Variants in RSF1 observed in about 807,000 individuals in gnomAD.
RSF1 encodes HBV pX-associated protein 8.
Under a neutral mutation model 145.2 loss-of-function variants are expected in RSF1, and 13 were observed. The observed-to-expected ratio is 0.09, with a 90% CI of 0.06 to 0.14. The LOEUF (loss-of-function observed/expected upper bound fraction) is 0.14. Ranked by LOEUF, RSF1 falls within the 10% of genes least tolerant of loss-of-function variation. The pLI is 1.00. For missense variants in RSF1, 1,517 were observed against 1,718.2 expected, an observed-to-expected ratio of 0.88 and a Z score of 2.07; for synonymous variants, 577 against 592.6, an observed-to-expected ratio of 0.97 and a Z score of 0.38.
intron 1 of RSF1, among the ~76,000 whole-genome samples, chr11:77,775,663 G>C (rs544739674): frequency 1.3e-5 from 2 of 152,316 alleles, no homozygotes; most frequent in South Asian, 2.1e-4. Context: ...GGCCAGGTCC[G>C]GTGGTTCACA....
chr11:77,706,666 T>A (rs1319073278), intron 5 of RSF1, among the ~76,000 whole-genome samples: 1 of 152,198 alleles, frequency 6.6e-6, no homozygotes, highest in Non-Finnish European at 1.5e-5. Context: ...TCCTAATTTT[T>A]TTTTTTTAAC....
At chr11:77,725,393 T>A (rs1961029806) in intron 5 of RSF1, 152 bp downstream of exon 5, 1 of 547,128 alleles carries the variant, frequency 1.8e-6, no homozygotes, top group Non-Finnish European at 2.8e-6. Context: ...TGGCCTCATT[T>A]TCTTTAAATT....
At chr11:77,820,021 C>T (rs1219575610) in intron 1 of RSF1, among the ~76,000 whole-genome samples, 1 of 152,190 alleles carries the variant, frequency 6.6e-6, no homozygotes, top group Non-Finnish European at 1.5e-5. Flanking sequence ...CTGGCCCCCG[C>T]CCACCCAGGT....
intron 1 of RSF1, among the ~76,000 whole-genome samples, chr11:77,767,008 T>C (rs1234148518): frequency 6.6e-6 from 1 of 152,128 alleles, no homozygotes; most frequent in African/African-American, 2.4e-5. Context: ...GATTTACTGG[T>C]TGTGCAGTGA....
At chr11:77,856,139 C>G in the RSF1 span, among the ~76,000 whole-genome samples, 1 of 152,104 alleles carries the variant, frequency 6.6e-6, no homozygotes, top group Admixed American at 6.6e-5. Context: ...GAAAGGTCTT[C>G]CACCAGATAC....
the RSF1 span, among the ~76,000 whole-genome samples, chr11:77,870,578 C>A: frequency 6.6e-6 from 1 of 151,974 alleles, no homozygotes; most frequent in East Asian, 1.9e-4. Flanking sequence ...ACCTCGTGAT[C>A]CACCTGCCTC....
intron 1 of RSF1, among the ~76,000 whole-genome samples, chr11:77,797,512 C>T (rs1205703170): frequency 1.3e-5 from 2 of 152,112 alleles, no homozygotes; most frequent in Non-Finnish European, 2.9e-5. Context: ...AAAATCAACT[C>T]AAGATGGATC....
At chr11:77,869,101 A>G in the RSF1 span, 1 of 278,134 alleles carries the variant, frequency 3.6e-6, no homozygotes, top group Non-Finnish European at 7.0e-6. Context: ...ATAGATTCAC[A>G]TGTACCATGT....
At chr11:77,786,175 A>T (rs1948454932) in intron 1 of RSF1, among the ~76,000 whole-genome samples, 1 of 152,086 alleles carries the variant, frequency 6.6e-6, no homozygotes. Flanking sequence ...CAACCCAGCT[A>T]ATACTAAAAA....
intron 9 of RSF1, among the ~76,000 whole-genome samples, chr11:77,689,818 A>T (rs775216660): frequency 2.6e-5 from 4 of 152,202 alleles, no homozygotes; most frequent in Admixed American, 6.5e-5. Flanking sequence ...CCTGATTATG[A>T]ATCCCCTTTT....
At chr11:77,765,490 C>T (rs1948216515) in intron 1 of RSF1, among the ~76,000 whole-genome samples, 2 of 152,132 alleles carry the variant, frequency 1.3e-5, no homozygotes, top group African/African-American at 4.8e-5. Flanking sequence ...GAAAGTTACC[C>T]TTACTCTCAG....
intron 8 of RSF1, among the ~76,000 whole-genome samples, chr11:77,692,637 C>T (rs1042259220): frequency 6.6e-6 from 1 of 151,610 alleles, no homozygotes; most frequent in Non-Finnish European, 1.5e-5. Context: ...CCTCAGCCTC[C>T]CAAGGAGCTG....
the RSF1 span, among the ~76,000 whole-genome samples, chr11:77,854,420 T>A: frequency 6.6e-6 from 1 of 152,204 alleles, no homozygotes; most frequent in Non-Finnish European, 1.5e-5. Context: ...ACTTCCAAGA[T>A]ACAATGGGGT....
At chr11:77,791,470 T>G (rs1366350369) in intron 1 of RSF1, among the ~76,000 whole-genome samples, 2 of 152,224 alleles carry the variant, frequency 1.3e-5, no homozygotes, top group Non-Finnish European at 2.9e-5. Flanking sequence ...CTTGTGCAAA[T>G]TTATGCAGCA....
At chr11:77,755,524 G>C (rs1286484499) in intron 2 of RSF1, among the ~76,000 whole-genome samples, 1 of 152,114 alleles carries the variant, frequency 6.6e-6, no homozygotes, top group Non-Finnish European at 1.5e-5. Flanking sequence ...AAGTCATTCA[G>C]AGATCTTCTG....
the RSF1 span, among the ~76,000 whole-genome samples, chr11:77,863,572 A>G: frequency 6.6e-6 from 1 of 152,120 alleles, no homozygotes; most frequent in Non-Finnish European, 1.5e-5. Context: ...TAATTTTAGT[A>G]GAGACAGGGT....
rs564410248 is a variant in RSF1 at position 77,686,408 on chromosome 11, CAAAAAAAAAAAA to C, written c.2901-1261_2901-1250del. 5.4e-5 allele frequency among the ~76,000 whole-genome samples: 2 copies of C among 37,132 alleles called. 1 individual carries two copies. Among genetic ancestry groups the C allele is most frequent in the Non-Finnish European group, 9.5e-5 (2 of 21,060 alleles). The allele number at this position is 37,132 out of a possible 152,430, so 24.4% of individuals were successfully genotyped here. On this transcript the variant is annotated intron_variant, in intron 9 of 15. Coordinates refer to ENST00000308488, the MANE Select transcript of RSF1 (RefSeq NM_016578.4). ...GGGCATCAAGAGTGAGACCCTGTCT[CAAAAAAAAAAAA>C]AAAAAAAAGCAGGTGTTTTCCCTGG...
At chr11:77,828,117 T>C in the RSF1 span, among the ~76,000 whole-genome samples, 2 of 150,936 alleles carry the variant, frequency 1.3e-5, no homozygotes, top group African/African-American at 2.4e-5. Flanking sequence ...TACTAAAAAA[T>C]ACAAAAAACT....
chr11:77,705,239 T>C (rs1960520881), intron 5 of RSF1, among the ~76,000 whole-genome samples: 2 of 152,154 alleles, frequency 1.3e-5, no homozygotes, highest in Admixed American at 6.6e-5. Context: ...CAAAAGAAAG[T>C]TGTAAAAGAG....
Sources: gnomAD v4.1 joint callset for allele counts (sites outside exome capture counted in the v4.1 genomes callset) on GRCh38, gnomAD v4.1.1 for gene constraint, MANE v1.5 for transcripts, NCBI Gene and HGNC (gene_info 2026-07-23, HGNC 2026-07-21) for gene names.